Variants in LY75 observed in about 807,000 individuals in gnomAD.
LY75 encodes C-type lectin domain family 13 member B.
LY75 carries 185 observed loss-of-function variants against 231.7 expected under a neutral mutation model. The observed-to-expected ratio is 0.80, with a 90% confidence interval of 0.71 to 0.90. LY75 has a LOEUF of 0.90. Among genes scored for constraint, LY75 ranks in the 40% least tolerant of loss-of-function variants. LY75 has a pLI of 0.00. For synonymous variants in LY75, 668 were observed against 689.0 expected (o/e 0.97, Z 0.48); for missense variants, 1,947 against 2,050.2 (o/e 0.95, Z 0.97).
intron 25 of LY75, 97 bp downstream of exon 25, chr2:159,840,632 T>A (rs1256811513): frequency 6.6e-6 from 10 of 1,520,666 alleles, no homozygotes; most frequent in Non-Finnish European, 8.9e-6. Flanking sequence ...GATTTTCAGT[T>A]CTTCTGTTTG....
intron 14 of LY75, among the ~76,000 whole-genome samples, chr2:159,863,879 A>G (rs897987047): frequency 6.6e-6 from 1 of 152,182 alleles, no homozygotes; most frequent in Non-Finnish European, 1.5e-5. Flanking sequence ...CCACGAGATT[A>G]TATCTTTACT....
intron 15 of LY75, among the ~76,000 whole-genome samples, chr2:159,858,831 G>C (rs902568809): frequency 6.6e-6 from 1 of 152,188 alleles, no homozygotes; most frequent in African/African-American, 2.4e-5. Flanking sequence ...AGTGGCTCAG[G>C]CTCCTTCTCT....
At position 159,885,267 on chromosome 2, in the gene LY75, C is replaced by A. The variant is rs764519175; in HGVS notation, c.940G>T (p.Gly314Cys). The A allele has an allele frequency of 2.5e-6, 4 of 1,613,550 alleles. No homozygotes were observed. Residue 314 changes from glycine (G) to cysteine (C), a missense_variant, in exon 6 of 35, where the codon GGC becomes TGC. Coordinates refer to ENST00000263636, the MANE Select transcript of LY75 (RefSeq NM_002349.4). The stretch of plus-strand genomic sequence containing the variant: ...GCATCCATTCTTGCACAGCTGGAGC[C>A]ACCTATAGTAGGTGCACTGGGCCTG... ...PDRPSAPTIG[G>C]SSCARMDAES...
chr2:159,845,784 T>C (rs960505504), intron 23 of LY75, among the ~76,000 whole-genome samples: 5 of 151,688 alleles, frequency 3.3e-5, no homozygotes, highest in African/African-American at 4.8e-5. Flanking sequence ...ACTGTATTTG[T>C]ATGTTATATA....
chr2:159,854,447 G>A lies in LY75; in HGVS notation c.2508C>T (p.Ala836=), dbSNP rs148844646. 1.6e-4 allele frequency: 252 copies of A among 1,613,318 alleles called. No homozygotes were observed. Among genetic ancestry groups the A allele is most frequent in the Non-Finnish European group, 1.8e-4 (218 of 1,179,542 alleles). The stretch of plus-strand genomic sequence containing the variant: ...TGTGATTGCTGGCACAGTACAGGAC[G>A]GCTTCTTCATAGTTTAGGTGAAGAT... ...VADLHLNYEE[A]VLYCASNHSF... The change falls in exon 18 of 35, where the codon GCC becomes GCT. Residue 836 remains alanine, a synonymous_variant. Transcript: ENST00000263636.
At chr2:159,893,770 T>A in intron 3 of LY75, 144 bp downstream of exon 3, 2 of 1,215,330 alleles carry the variant, frequency 1.6e-6, no homozygotes, top group Non-Finnish European at 2.2e-6. Context: ...ACACATTACC[T>A]CTCTCTTCTC....
At chr2:159,810,281 C>G (rs1469917200) in intron 32 of LY75, among the ~76,000 whole-genome samples, 1 of 152,140 alleles carries the variant, frequency 6.6e-6, no homozygotes, top group Non-Finnish European at 1.5e-5. Context: ...ATCTGCCCGC[C>G]TTGGCCTCCC....
intron 3 of LY75, 149 bp downstream of exon 3, chr2:159,893,765 T>C (rs1414563985): frequency 1.7e-5 from 20 of 1,175,388 alleles, no homozygotes; most frequent in African/African-American, 3.2e-5. Context: ...TGGCTACACA[T>C]TACCTCTCTC....
chr2:159,865,357 C>T (rs1222203806), intron 13 of LY75, among the ~76,000 whole-genome samples: 3 of 152,006 alleles, frequency 2.0e-5, no homozygotes, highest in Non-Finnish European at 4.4e-5. Flanking sequence ...TAGTTGAGTT[C>T]CTACTATCCA....
chr2:159,861,522 C>T (rs1184465632), intron 14 of LY75, among the ~76,000 whole-genome samples: 1 of 152,040 alleles, frequency 6.6e-6, no homozygotes, highest in African/African-American at 2.4e-5. Flanking sequence ...CCAAGGTTGG[C>T]AGATGGCTTG....
Position 159,831,777 on chromosome 2 carries a change from G to C in LY75, c.3851C>G (p.Ser1284Ter), listed in dbSNP as rs1322518241. ...HTKCQKLNPK[S>*]HILSIRDEKE... ...TTCATCTCGAATACTCAGAATATGTGATTTTGGATCTGTTGAATAAAAAAT... is the reference window on the plus strand; with the variant it reads ...TTCATCTCGAATACTCAGAATATGTCATTTTGGATCTGTTGAATAAAAAAT... Residue 1284 changes from serine (S) to a stop codon, truncating the protein, a stop_gained, in exon 28 of 35, where the codon TCA becomes TGA. Coordinates refer to ENST00000263636, the MANE Select transcript of LY75 (RefSeq NM_002349.4). LOFTEE classifies it high-confidence loss of function. 2 of 1,605,354 alleles carry C rather than the reference G, an allele frequency of 1.2e-6. No homozygotes were observed. Among genetic ancestry groups the C allele is most frequent in the African/African-American group, 1.3e-5 (1 of 74,492 alleles).
chr2:159,824,758 C>T (rs1305675693), intron 28 of LY75, among the ~76,000 whole-genome samples: 1 of 151,856 alleles, frequency 6.6e-6, no homozygotes, highest in South Asian at 2.1e-4. Context: ...AATCATAAGT[C>T]TCTCATACCA....
Position 159,881,355 on chromosome 2 carries a change from C to T in LY75, c.1247-115G>A, listed in dbSNP as rs1001981402. 11 of 1,095,332 alleles carry T rather than the reference C, an allele frequency of 1.0e-5. No individual in the cohort carries two copies. In the African/African-American group the frequency reaches 1.6e-4, roughly 15 times the overall value. 67.9% of individuals were successfully genotyped at this position (1,095,332 alleles called of 1,614,324 possible). On this transcript the variant is annotated intron_variant, in intron 7 of 34. Transcript: ENST00000263636. ...GAGTTTTAAGAGCCTTTGTAGTATTCTTAATTCGGTTATTAATATGTTGAT... is the reference window on the plus strand; with the variant it reads ...GAGTTTTAAGAGCCTTTGTAGTATTTTTAATTCGGTTATTAATATGTTGAT...
At chr2:159,817,387 A>C (rs1683152595) in intron 29 of LY75, among the ~76,000 whole-genome samples, 1 of 152,174 alleles carries the variant, frequency 6.6e-6, no homozygotes, top group Non-Finnish European at 1.5e-5. Flanking sequence ...TACTTGATAA[A>C]CCAGGTCTCA....
At chr2:159,833,121 C>T (rs1683715148) in intron 27 of LY75, among the ~76,000 whole-genome samples, 1 of 146,940 alleles carries the variant, frequency 6.8e-6, no homozygotes, top group Non-Finnish European at 1.5e-5. Flanking sequence ...TCATTTCTTT[C>T]CCCCTTCCTT....
intron 6 of LY75, 25 bp from the exon 7 acceptor site, chr2:159,882,340 T>G: frequency 6.2e-7 from 1 of 1,607,284 alleles, no homozygotes; most frequent in Non-Finnish European, 8.5e-7. Flanking sequence ...GCTATTTATA[T>G]TCCAGTAAAG....
Position 159,821,452 on chromosome 2 carries a change from C to T in LY75, c.3959-1532G>A, listed in dbSNP as rs929778949. On this transcript the variant is annotated intron_variant, in intron 28 of 34. Transcript: ENST00000263636. ...CCAACATGGTAAAACCCCATCTCTA[C>T]TAAAAATACAAAAATTAGCTGGGCG... 3.3e-5 allele frequency among the ~76,000 whole-genome samples: 5 copies of T among 151,852 alleles called. No individual in the cohort carries two copies. The South Asian group carries it at 1.0e-3, about 32-fold the overall frequency.
intron 29 of LY75, among the ~76,000 whole-genome samples, chr2:159,818,463 T>A (rs1683188962): frequency 6.6e-6 from 1 of 152,120 alleles, no homozygotes; most frequent in Non-Finnish European, 1.5e-5. Flanking sequence ...TGACCAGTGT[T>A]CCTCAAAACT....
At chr2:159,842,480 T>C in intron 23 of LY75, 106 bp from the exon 24 acceptor site, 1 of 1,336,498 alleles carries the variant, frequency 7.5e-7, no homozygotes, top group Non-Finnish European at 9.8e-7. Flanking sequence ...TATAAAAGAA[T>C]TCCATGAAGG....
Sources: allele counts gnomAD v4.1 joint callset (sites outside exome capture counted in the v4.1 genomes callset), GRCh38; gene constraint gnomAD v4.1.1; transcripts MANE v1.5; gene names NCBI Gene and HGNC (gene_info 2026-07-23, HGNC 2026-07-21).